Variants in PTGES3 observed in about 807,000 individuals in gnomAD.
PTGES3 encodes the protein prostaglandin E synthase 3, also known as Hsp90 co-chaperone.
PTGES3 carries 5 observed loss-of-function variants against 29.9 expected under a neutral mutation model. That is an observed-to-expected ratio of 0.17 (90% CI 0.09 to 0.35). The LOEUF is 0.35. Ranked by LOEUF, PTGES3 falls within the 10% of genes least tolerant of loss-of-function variation. The pLI is 1.00. For synonymous variants in PTGES3, 49 were observed against 57.8 expected (o/e 0.85, Z 0.69); for missense variants, 128 against 190.0 (o/e 0.67, Z 1.92).
chr12:56,679,516 G>C (rs945454890), intron 1 of PTGES3, among the ~76,000 whole-genome samples: 1 of 150,786 alleles, frequency 6.6e-6, no homozygotes. Context: ...GGAAAGTTTT[G>C]AATCTATAGG....
intron 1 of PTGES3, among the ~76,000 whole-genome samples, chr12:56,678,705 C>A (rs1952382961): frequency 6.6e-6 from 1 of 152,110 alleles, no homozygotes; most frequent in African/African-American, 2.4e-5. Context: ...TCTGTCCTTT[C>A]AAGGCTAACA....
chr12:56,684,503 T>C (rs1340798107), intron 1 of PTGES3, among the ~76,000 whole-genome samples: 1 of 152,170 alleles, frequency 6.6e-6, no homozygotes, highest in South Asian at 2.1e-4. Context: ...GACAATTTTA[T>C]TTTGGAGATT....
intron 1 of PTGES3, among the ~76,000 whole-genome samples, chr12:56,677,055 C>T (rs1030368416): frequency 6.6e-6 from 1 of 151,438 alleles, no homozygotes; most frequent in Admixed American, 6.6e-5. Flanking sequence ...GGCCAACCAC[C>T]GTGGTGAAAT....
rs1427603890 is a variant in PTGES3, at chr12:56,664,416, A to T, written c.*63T>A. On this transcript the variant is annotated 3_prime_UTR_variant, in exon 8 of 8. Transcript: ENST00000262033. The stretch of plus-strand genomic sequence containing the variant: ...GAGCTATCAACTCAGGAATTCTCTC[A>T]ATTATGAAATCTTGCAGAGAAGTTA... 3 of 1,545,020 alleles carry T rather than the reference A, an allele frequency of 1.9e-6. No homozygotes were observed. The highest frequency in any genetic ancestry group is 1.2e-5 in the South Asian group (1 of 86,852).
In PTGES3 at chr12:56,664,811, G is replaced by A. The variant is rs761914977; in HGVS notation, c.439-11C>T. On this transcript the variant is annotated splice_polypyrimidine_tract_variant and intron_variant, in intron 6 of 7. Coordinates refer to ENST00000262033, the MANE Select transcript of PTGES3 (RefSeq NM_006601.7). ...ACTGTCTTGTGAATCCTGAAAGAGGGAAAATAAAGTTACCGAGCTGATCAA... is the reference window on the plus strand; with the variant it reads ...ACTGTCTTGTGAATCCTGAAAGAGGAAAAATAAAGTTACCGAGCTGATCAA... The A allele has an allele frequency of 1.3e-6, 2 of 1,597,552 alleles. No homozygotes were observed. The highest frequency in any genetic ancestry group is 2.2e-5 in the East Asian group (1 of 44,648).
Position 56,663,997 on chromosome 12 carries a change from T to G in PTGES3, c.*482A>C, listed in dbSNP as rs1195295418. ...AGTAAATTTTTTGAAAAATAAATTT[T>G]AGTGGAACAATCCTGAAGGATAACA... On this transcript the variant is annotated 3_prime_UTR_variant, in exon 8 of 8. Coordinates refer to ENST00000262033, the MANE Select transcript of PTGES3 (RefSeq NM_006601.7). 1 of 153,550 alleles carries G rather than the reference T, an allele frequency of 6.5e-6. No homozygotes were observed. Among genetic ancestry groups the G allele is most frequent in the African/African-American group, 2.4e-5 (1 of 41,466 alleles). The allele number at this position is 153,550 out of a possible 1,614,324, so 9.5% of individuals were successfully genotyped here. A position where few individuals can be genotyped will look rare whatever the true frequency, so the allele number is the denominator to read the frequency against.
chr12:56,684,813 T>C (rs1056889521), intron 1 of PTGES3, among the ~76,000 whole-genome samples: 1 of 152,188 alleles, frequency 6.6e-6, no homozygotes, highest in Non-Finnish European at 1.5e-5. Context: ...AGAGCTTTTA[T>C]GTAAATTATG....
intron 1 of PTGES3, among the ~76,000 whole-genome samples, chr12:56,679,253 A>G (rs1952412344): frequency 1.3e-5 from 2 of 152,224 alleles, no homozygotes; most frequent in South Asian, 4.1e-4. Context: ...TACTGAAGAT[A>G]CAAAAATTAG....
chr12:56,685,189 G>C (rs1387281287), intron 1 of PTGES3, among the ~76,000 whole-genome samples: 1 of 152,074 alleles, frequency 6.6e-6, no homozygotes, highest in Non-Finnish European at 1.5e-5. Context: ...CCCATTAAAG[G>C]CTTCTTCCAC....
chr12:56,674,818 T>TC (rs1952152855), intron 1 of PTGES3, among the ~76,000 whole-genome samples: 1 of 27,268 alleles, frequency 3.7e-5, no homozygotes, highest in Non-Finnish European at 6.0e-5. Flanking sequence ...AGAGCAAGAC[T>TC]CCATCTCAAA....
chr12:56,684,959 T>TC (rs1036210698), intron 1 of PTGES3, among the ~76,000 whole-genome samples: 1 of 151,936 alleles, frequency 6.6e-6, no homozygotes, highest in Non-Finnish European at 1.5e-5. Context: ...CCCCAGAGCT[T>TC]AAAAAAAATT....
At chr12:56,670,189 T>C (rs1202259746) in intron 5 of PTGES3, 86 bp downstream of exon 5, 43 of 863,782 alleles carry the variant, frequency 5.0e-5, no homozygotes, top group Non-Finnish European at 6.8e-5. Flanking sequence ...ATGAATACCA[T>C]TAGGTGCCCA....
chr12:56,664,564 A>AT (rs1420202798), intron 7 of PTGES3, 66 bp from the exon 8 acceptor site: 1 of 1,527,220 alleles, frequency 6.5e-7, no homozygotes, highest in African/African-American at 1.4e-5. Flanking sequence ...TTACTGTCTT[A>AT]AAGGAAAAGC....
At position 56,666,041 on chromosome 12, in the gene PTGES3, C is replaced by CCA. The variant is rs146266347; in HGVS notation, c.438+161_438+162dup. ...ACAACCAGTTCCCTAATAGATACCC[C>CCA]CATTCGTCAAAAATGGGCACATTTT... On this transcript the variant is annotated intron_variant, in intron 6 of 7. Coordinates refer to ENST00000262033, the MANE Select transcript of PTGES3 (RefSeq NM_006601.7). 10,037 of 1,389,042 alleles carry CCA rather than the reference C, an allele frequency of 7.2e-3. 605 individuals are homozygous for CCA. The African/African-American group carries it at 0.13, about 18-fold the overall frequency. 86.0% of individuals were successfully genotyped at this position (1,389,042 alleles called of 1,614,324 possible). A position where few individuals can be genotyped will look rare whatever the true frequency, so the allele number is the denominator to read the frequency against.
intron 3 of PTGES3, 85 bp from the exon 4 acceptor site, chr12:56,671,932 A>T: frequency 1.3e-6 from 1 of 767,926 alleles, no homozygotes; most frequent in Non-Finnish European, 1.9e-6. Context: ...CACCTTTCTC[A>T]TTTCTTTACC....
intron 6 of PTGES3, chr12:56,665,325 T>C (rs953031232): frequency 1.0e-6 from 1 of 973,970 alleles, no homozygotes; most frequent in African/African-American, 1.8e-5. Context: ...AGATGGAGTC[T>C]TGCTCTGTCA....
chr12:56,672,050 C>T (rs1952024912), intron 3 of PTGES3, among the ~76,000 whole-genome samples: 1 of 152,046 alleles, frequency 6.6e-6, no homozygotes, highest in Admixed American at 6.6e-5. Flanking sequence ...TTTTTTTTCC[C>T]TTCTATTTCC....
intron 1 of PTGES3, among the ~76,000 whole-genome samples, chr12:56,677,708 T>C (rs1158283111): frequency 1.3e-5 from 2 of 152,184 alleles, no homozygotes; most frequent in South Asian, 2.1e-4. Context: ...TTTTGAGTTA[T>C]AGCAACCACC....
At chr12:56,670,635 G>A (rs1261007438) in intron 4 of PTGES3, 15 of 304,762 alleles carry the variant, frequency 4.9e-5, no homozygotes, top group Admixed American at 8.7e-5. Context: ...TTAACTTAGC[G>A]TGGTTACCTG....
Sources: gnomAD v4.1 joint callset for allele counts (sites outside exome capture counted in the v4.1 genomes callset) on GRCh38, gnomAD v4.1.1 for gene constraint, MANE v1.5 for transcripts, NCBI Gene and HGNC (gene_info 2026-07-23, HGNC 2026-07-21) for gene names.